Variants in UNC13C observed in about 807,000 individuals in gnomAD.
The protein encoded by UNC13C is protein unc-13 homolog C.
Under a neutral mutation model 245.4 loss-of-function variants are expected in UNC13C, and 174 were observed. The ratio of observed to expected loss-of-function variants is 0.71; its 90% CI spans 0.63 to 0.80. The LOEUF (loss-of-function observed/expected upper bound fraction) is 0.80, where lower values mean the gene tolerates loss of function less well. UNC13C is among the 30% of genes least tolerant of loss of function. UNC13C has a pLI of 0.00. For synonymous variants in UNC13C, 992 were observed against 895.1 expected (o/e 1.11, Z -1.93); for missense variants, 2,829 against 2,602.9 (o/e 1.09, Z -1.89).
chr15:54,180,127 C>T (rs772454558), intron 4 of UNC13C, among the ~76,000 whole-genome samples: 19 of 151,994 alleles, frequency 1.3e-4, no homozygotes, highest in Non-Finnish European at 2.6e-4. Flanking sequence ...CTGAACATAG[C>T]ACCTGATAGT....
chr15:54,168,999 TAACTC>T, intron 4 of UNC13C, among the ~76,000 whole-genome samples: 1 of 152,340 alleles, frequency 6.6e-6, no homozygotes. Flanking sequence ...AACCTAATGT[TAACTC>T]AGTTGGACAA....
chr15:54,563,699 T>C (rs1436894250), intron 29 of UNC13C, among the ~76,000 whole-genome samples: 2 of 152,038 alleles, frequency 1.3e-5, no homozygotes. Context: ...TTATAATGAG[T>C]AGTAATCAAC....
intron 24 of UNC13C, 40 bp downstream of exon 24, chr15:54,511,870 T>TA: frequency 7.2e-7 from 1 of 1,386,804 alleles, no homozygotes; most frequent in Non-Finnish European, 1.0e-6. Context: ...AAAACCTACT[T>TA]AGAGATTATT....
At chr15:53,904,058 G>C in the UNC13C span, among the ~76,000 whole-genome samples, 78 of 152,226 alleles carry the variant, frequency 5.1e-4, no homozygotes, top group African/African-American at 1.8e-3. Context: ...ATTTTTAATT[G>C]GTTGGCTGGC....
chr15:53,873,374 G>T, the UNC13C span, among the ~76,000 whole-genome samples: 1 of 152,074 alleles, frequency 6.6e-6, no homozygotes, highest in East Asian at 1.9e-4. Context: ...TGCTCCTGGA[G>T]TATGCCTCTC....
downstream of UNC13C, chr15:54,630,661 T>C (rs537964158): frequency 2.0e-5 from 3 of 152,254 alleles, no homozygotes; most frequent in African/African-American, 7.2e-5. Flanking sequence ...CCTGTGTTTA[T>C]ACTCAAGTCC....
chr15:54,561,005 A>G (rs1897278815), intron 29 of UNC13C, among the ~76,000 whole-genome samples: 1 of 151,970 alleles, frequency 6.6e-6, no homozygotes, highest in Admixed American at 6.6e-5. Context: ...TACTGCAACC[A>G]GTGTGTTTCT....
the UNC13C span, chr15:53,913,976 C>T: frequency 0.1 from 15,561 of 152,306 alleles, 1,059 homozygotes; most frequent in East Asian, 0.32. Flanking sequence ...TGTTGCAACA[C>T]CTATGGTAAT....
intron 2 of UNC13C, among the ~76,000 whole-genome samples, chr15:54,111,791 G>C (rs1900788429): frequency 6.6e-6 from 1 of 152,192 alleles, no homozygotes; most frequent in Non-Finnish European, 1.5e-5. Flanking sequence ...GCAGAGAGGA[G>C]TGCTGTGTTT....
chr15:54,287,171 A>G (rs920278011), intron 10 of UNC13C, among the ~76,000 whole-genome samples: 25 of 152,106 alleles, frequency 1.6e-4, no homozygotes, highest in African/African-American at 5.3e-4. Flanking sequence ...TTCTCCCACT[A>G]TTACACATGA....
At chr15:54,512,513 C>A in intron 24 of UNC13C, 1 of 368,956 alleles carries the variant, frequency 2.7e-6, no homozygotes, top group East Asian at 7.9e-5. Flanking sequence ...ACTAGCTATG[C>A]ACCTGCATCT....
chr15:54,253,713 G>A (rs146616532), intron 8 of UNC13C, among the ~76,000 whole-genome samples: 5 of 152,332 alleles, frequency 3.3e-5, no homozygotes, highest in Non-Finnish European at 7.3e-5. Flanking sequence ...CACCTCAGTG[G>A]TGGTTTTAAA....
chr15:53,868,768 G>C, the UNC13C span, among the ~76,000 whole-genome samples: 2 of 152,186 alleles, frequency 1.3e-5, no homozygotes, highest in African/African-American at 4.8e-5. Flanking sequence ...ATATTACTCA[G>C]AGGTATGGAG....
chr15:54,553,149 CAA>C (rs1260052796), intron 28 of UNC13C, among the ~76,000 whole-genome samples: 1 of 103,666 alleles, frequency 9.6e-6, no homozygotes, highest in South Asian at 3.0e-4. Context: ...TTCTATATTA[CAA>C]TATATATTAT....
intron 19 of UNC13C, among the ~76,000 whole-genome samples, chr15:54,449,044 G>C (rs142023656): frequency 0.089 from 13,544 of 152,110 alleles, 762 homozygotes; most frequent in African/African-American, 0.16. Flanking sequence ...AGCTTAGTTT[G>C]GCTGGATATG....
intron 4 of UNC13C, among the ~76,000 whole-genome samples, chr15:54,152,638 G>A (rs551693309): frequency 6.6e-6 from 1 of 152,098 alleles, no homozygotes; most frequent in Non-Finnish European, 1.5e-5. Flanking sequence ...TTAAAGTGGT[G>A]CAAGTTTAGT....
intron 6 of UNC13C, among the ~76,000 whole-genome samples, 180 bp downstream of exon 6, chr15:54,236,615 T>A (rs1412744345): frequency 1.3e-5 from 2 of 152,228 alleles, no homozygotes; most frequent in South Asian, 2.1e-4. Flanking sequence ...AAATTATGTA[T>A]GCAACAGGTG....
chr15:54,009,350 G>A (rs1895277932), intron 1 of UNC13C, among the ~76,000 whole-genome samples: 1 of 152,000 alleles, frequency 6.6e-6, no homozygotes, highest in Non-Finnish European at 1.5e-5. Flanking sequence ...ATTGCTTCTT[G>A]AACTTTTTCA....
intron 2 of UNC13C, among the ~76,000 whole-genome samples, chr15:54,127,998 G>A (rs911536104): frequency 4.6e-5 from 7 of 151,768 alleles, no homozygotes; most frequent in African/African-American, 7.3e-5. Flanking sequence ...CTGAAGATAC[G>A]ATTCTATACC....
Sources: allele counts gnomAD v4.1 joint callset (sites outside exome capture counted in the v4.1 genomes callset), GRCh38; gene constraint gnomAD v4.1.1; transcripts MANE v1.5; gene names NCBI Gene and HGNC (gene_info 2026-07-23, HGNC 2026-07-21).